The following NEFH variants were observed in gnomAD, a reference collection of about 807,000 sequenced individuals.
NEFH encodes neurofilament heavy chain.
A neutral mutation model predicts 56.6 loss-of-function variants in NEFH; 58 were observed. The ratio of observed to expected loss-of-function variants is 1.03; its 90% CI spans 0.83 to 1.28. NEFH has a LOEUF of 1.28. Ranked by LOEUF, NEFH falls within the 50% of genes most tolerant of loss-of-function variation. The probability of loss-of-function intolerance (pLI) is 0.00; values close to 1 mark genes in which losing one functional copy is unlikely to be tolerated. For missense variants in NEFH, 1,221 were observed against 1,307.6 expected (o/e 0.93, Z 1.02); for synonymous variants, 542 against 545.8 (o/e 0.99, Z 0.10).
chr22:29,484,456 A>G (rs572804768), intron 2 of NEFH, among the ~76,000 whole-genome samples: 3 of 152,044 alleles, frequency 2.0e-5, no homozygotes, highest in Admixed American at 6.5e-5. Context: ...CCTGGCCAAC[A>G]TGGTGAAACC....
In NEFH at chr22:29,485,850, G is replaced by A; in HGVS notation, c.1208+3G>A. ...GATATAGAGATAGCCGCTTACAGGTGAGACGCACAGGGGCTGTCACATGGT... is the reference window on the plus strand; with the variant it reads ...GATATAGAGATAGCCGCTTACAGGTAAGACGCACAGGGGCTGTCACATGGT... On this transcript the variant is annotated splice_donor_region_variant and intron_variant, in intron 3 of 3. Coordinates refer to ENST00000310624, the MANE Select transcript of NEFH (RefSeq NM_021076.4). 1.2e-6 allele frequency: 2 copies of A among 1,614,218 alleles called. No homozygotes were observed.
intron 3 of NEFH, among the ~76,000 whole-genome samples, chr22:29,486,440 A>G (rs1030938400): frequency 1.3e-5 from 2 of 151,552 alleles, no homozygotes; most frequent in East Asian, 1.9e-4. Context: ...CTGAAACTCC[A>G]TACCCAAGAA....
At position 29,480,421 on chromosome 22, in the gene NEFH, G is replaced by T. The variant is rs1205368020; in HGVS notation, c.159G>T (p.Thr53=). Reference sequence around the variant, plus strand: ...GCGGCTTCCACTCGTGGACACGGACGTCCGTGAGCTCCGTGTCCGCCTCGC... The same window carrying T: ...GCGGCTTCCACTCGTGGACACGGACTTCCGTGAGCTCCGTGTCCGCCTCGC... The part of the protein sequence containing the change: ...SSSGFHSWTR[T]SVSSVSASPS... Residue 53 remains threonine (T), a synonymous_variant, in exon 1 of 4, where the codon ACG becomes ACT. Transcript: ENST00000310624. The T allele has an allele frequency of 6.5e-7, 1 of 1,532,574 alleles. No individual in the cohort carries two copies. Among genetic ancestry groups the T allele is most frequent in the Admixed American group, 2.0e-5 (1 of 50,944 alleles). 94.9% of individuals were successfully genotyped at this position (1,532,574 alleles called of 1,614,324 possible). A position where few individuals can be genotyped will look rare whatever the true frequency, so the allele number is the denominator to read the frequency against.
rs371191443 is a variant in NEFH, at chr22:29,483,615, A to G, written c.1083+41A>G. 2.0e-3 allele frequency: 3,265 copies of G among 1,600,654 alleles called. 13 individuals carry two copies. The highest frequency in any genetic ancestry group is 2.2e-3 in the Non-Finnish European group (2,588 of 1,170,836). ...GCAGACAGCCAGACTGCCTTACCTGATTGGGTAGCCCTGGACAAGTTACTG... is the reference window on the plus strand; with the variant it reads ...GCAGACAGCCAGACTGCCTTACCTGGTTGGGTAGCCCTGGACAAGTTACTG... On this transcript the variant is annotated intron_variant, in intron 2 of 3. Transcript: ENST00000310624.
At chr22:29,488,007 G>C (rs1465806776) in intron 3 of NEFH, among the ~76,000 whole-genome samples, 1 of 152,164 alleles carries the variant, frequency 6.6e-6, no homozygotes, top group Non-Finnish European at 1.5e-5. Context: ...AATACAGGGT[G>C]ATGAGAGACA....
chr22:29,488,131 G>C (rs1380417168), intron 3 of NEFH, among the ~76,000 whole-genome samples: 1 of 152,242 alleles, frequency 6.6e-6, no homozygotes, highest in East Asian at 1.9e-4. Context: ...GGGAGGCCTA[G>C]GCGGGTGGAT....
At chr22:29,482,489 G>T (rs1337029741) in intron 1 of NEFH, among the ~76,000 whole-genome samples, 3 of 152,216 alleles carry the variant, frequency 2.0e-5, no homozygotes, top group African/African-American at 7.2e-5. Flanking sequence ...ATGCTCAGGG[G>T]CAATGCTCAG....
At chr22:29,483,313 T>C (rs2063022886) in intron 1 of NEFH, 62 bp from the exon 2 acceptor site, 1 of 1,339,550 alleles carries the variant, frequency 7.5e-7, no homozygotes, top group Non-Finnish European at 1.0e-6. Flanking sequence ...AAGAAAAAAA[T>C]CTGGGCATTA....
intron 3 of NEFH, among the ~76,000 whole-genome samples, chr22:29,487,351 T>G (rs2063050222): frequency 6.6e-6 from 1 of 152,038 alleles, no homozygotes; most frequent in Admixed American, 6.6e-5. Flanking sequence ...AGTCTCTTGG[T>G]TGGGTGTAGT....
rs768467193 is a variant in NEFH, at chr22:29,483,493, A to G, written c.1002A>G (p.Ala334=). The G allele has an allele frequency of 3.7e-6, 6 of 1,613,948 alleles. No individual in the cohort carries two copies. The highest frequency in any genetic ancestry group is 5.1e-6 in the Non-Finnish European group (6 of 1,180,042). ...QLQARTTELE[A]LKSTKDSLER... is the part of the protein sequence containing the mutation. ...AGGCCAGGACCACAGAGCTGGAGGC[A>G]CTGAAAAGCACCAAGGACTCACTGG... The change falls in exon 2 of 4, where the codon GCA becomes GCG. Residue 334 remains alanine, a synonymous_variant. Coordinates refer to ENST00000310624, the MANE Select transcript of NEFH (RefSeq NM_021076.4).
chr22:29,489,567 A>C lies in NEFH; in HGVS notation c.1927A>C (p.Lys643Gln). ...KSPEKAKSPT[K>Q]EEAKSPEKAK... ...CCCGGAAAAGGCCAAGTCTCCAACG[A>C]AGGAGGAAGCAAAGTCCCCTGAGAA... is the stretch of plus-strand genomic sequence containing the variant. The change falls in exon 4 of 4, where the codon AAG (lysine) becomes CAG (glutamine). Residue 643 changes from lysine to glutamine, a missense_variant. Lys to Gln is a moderately conservative substitution (Grantham distance 53, BLOSUM62 1). Around this residue, in one of 4 missense-constraint regions of NEFH, gnomAD observed 37 missense variants for 106.4 expected, o/e 0.35. Coordinates refer to ENST00000310624, the MANE Select transcript of NEFH (RefSeq NM_021076.4). The C allele has an allele frequency of 1.5e-6, 1 of 665,968 alleles. No homozygotes were observed. 41.3% of individuals were successfully genotyped at this position (665,968 alleles called of 1,614,324 possible).
chr22:29,485,347 C>T (rs2063038082), intron 2 of NEFH, among the ~76,000 whole-genome samples: 1 of 152,206 alleles, frequency 6.6e-6, no homozygotes, highest in Non-Finnish European at 1.5e-5. Context: ...AAGTGATCCA[C>T]CCTCCTCAGC....
chr22:29,481,120 G>T lies in NEFH; in HGVS notation c.858G>T (p.Thr286=). The change falls in exon 1 of 4, where the codon ACG becomes ACT. Residue 286 remains threonine, a synonymous_variant. Transcript: ENST00000310624. ...AQLEGHAVQS[T]LQSEEWFRVR... ...TTGAAGGCCACGCGGTGCAGAGCAC[G>T]CTGCAGTCCGAGGAGTGGTTCCGAG... 6.5e-7 allele frequency: 1 copy of T among 1,531,118 alleles called. No homozygotes were observed. The highest frequency in any genetic ancestry group is 2.0e-5 in the Admixed American group (1 of 50,916). 94.8% of individuals were successfully genotyped at this position (1,531,118 alleles called of 1,614,324 possible). A position where few individuals can be genotyped will look rare whatever the true frequency, so the allele number is the denominator to read the frequency against.
chr22:29,486,384 A>G (rs2063044299), intron 3 of NEFH, among the ~76,000 whole-genome samples: 1 of 152,088 alleles, frequency 6.6e-6, no homozygotes, highest in South Asian at 2.1e-4. Flanking sequence ...ATTACTGTGC[A>G]GCCATAACCA....
chr22:29,481,174 G>GCCCCCCCC, intron 1 of NEFH, 29 bp downstream of exon 1: 1 of 1,056,344 alleles, frequency 9.5e-7, no homozygotes, highest in Non-Finnish European at 1.4e-6. Context: ...GGGGGGAGGG[G>GCCCCCCCC]CGCCCCTGCT....
intron 2 of NEFH, 65 bp from the exon 3 acceptor site, chr22:29,485,658 A>G (rs1327683865): frequency 3.9e-5 from 62 of 1,581,654 alleles, no homozygotes; most frequent in Non-Finnish European, 5.0e-5. Context: ...AGCCCGCCGC[A>G]GCTTCTCTGG....
chr22:29,490,175 G>C lies in NEFH; in HGVS notation c.2535G>C (p.Glu845Asp), dbSNP rs749036446. ...VKEPPKKAEE[E>D]KAPATPKTEE... is the part of the protein sequence containing the mutation. ...AGCCCCCAAAGAAGGCAGAGGAAGA[G>C]AAAGCCCCTGCCACACCAAAAACAG... is the stretch of plus-strand genomic sequence containing the variant. Residue 845 changes from glutamate to aspartate, a missense_variant, in exon 4 of 4, where the codon GAG becomes GAC. By Grantham distance (45) the Glu-to-Asp change is conservative. This residue lies in a region of NEFH where 301 missense variants were observed against 346.6 expected (regional missense o/e 0.87). Coordinates refer to ENST00000310624, the MANE Select transcript of NEFH (RefSeq NM_021076.4). 6.2e-7 allele frequency: 1 copy of C among 1,611,674 alleles called. No individual in the cohort carries two copies. Among genetic ancestry groups the C allele is most frequent in the Non-Finnish European group, 8.5e-7 (1 of 1,179,012 alleles).
chr22:29,481,279 C>T (rs2063007988), intron 1 of NEFH, 134 bp downstream of exon 1: 2 of 868,550 alleles, frequency 2.3e-6, no homozygotes, highest in East Asian at 2.8e-5. Context: ...CTGCAAAGTG[C>T]ATGCCCCTAG....
At chr22:29,482,611 T>A (rs1039321273) in intron 1 of NEFH, among the ~76,000 whole-genome samples, 10 of 152,214 alleles carry the variant, frequency 6.6e-5, no homozygotes, top group Admixed American at 5.9e-4. Context: ...GTGACCTGAT[T>A]GCTCACGGTA....
Sources: allele counts gnomAD v4.1 joint callset (sites outside exome capture counted in the v4.1 genomes callset), GRCh38; gene constraint gnomAD v4.1.1; regional missense constraint gnomAD v4.1.1; transcripts MANE v1.5; gene names NCBI Gene and HGNC (gene_info 2026-07-23, HGNC 2026-07-21).